Variants in SUSD1 observed in about 807,000 individuals in gnomAD.
SUSD1 encodes sushi domain-containing protein 1.
A neutral mutation model predicts 86.9 loss-of-function variants in SUSD1; 65 were observed. The ratio of observed to expected loss-of-function variants is 0.75; its 90% confidence interval spans 0.61 to 0.92. The LOEUF (loss-of-function observed/expected upper bound fraction) is 0.92, where lower values mean the gene tolerates loss of function less well. Ranked by LOEUF, SUSD1 falls within the 40% of genes least tolerant of loss-of-function variation. SUSD1 has a pLI of 0.00. For missense variants in SUSD1, 850 were observed against 929.7 expected (o/e 0.91, Z 1.11); for synonymous variants, 346 against 350.0 (o/e 0.99, Z 0.13).
intron 16 of SUSD1, 136 bp downstream of exon 16, chr9:112,041,731 G>C: frequency 7.5e-6 from 6 of 802,362 alleles, no homozygotes; most frequent in Non-Finnish European, 1.2e-5. Context: ...TTTCACCGCT[G>C]AGTGTGCTCT....
At chr9:112,079,826 T>C (rs1393615876) in intron 11 of SUSD1, among the ~76,000 whole-genome samples, 1 of 152,168 alleles carries the variant, frequency 6.6e-6, no homozygotes, top group Non-Finnish European at 1.5e-5. Context: ...TGGTCTTAAC[T>C]CCTGGCCTCA....
At chr9:112,130,757 C>T (rs919299946) in intron 5 of SUSD1, among the ~76,000 whole-genome samples, 1 of 151,566 alleles carries the variant, frequency 6.6e-6, no homozygotes, top group African/African-American at 2.4e-5. Flanking sequence ...GGCAAGGTGG[C>T]TTACGCCTGT....
At chr9:112,123,762 C>T (rs1045147980) in intron 6 of SUSD1, among the ~76,000 whole-genome samples, 22 of 152,078 alleles carry the variant, frequency 1.4e-4, no homozygotes, top group African/African-American at 4.6e-4. Flanking sequence ...GAGCTGAGAT[C>T]GTGCCAGTGC....
intron 1 of SUSD1, among the ~76,000 whole-genome samples, chr9:112,172,445 C>G (rs1834085366): frequency 6.6e-6 from 1 of 152,162 alleles, no homozygotes; most frequent in African/African-American, 2.4e-5. Context: ...CTTGCATCTA[C>G]CATCTAAACT....
At position 112,058,746 on chromosome 9, in the gene SUSD1, T is replaced by C. The variant is rs184151800; in HGVS notation, c.1851-60A>G. 2.3e-4 allele frequency: 363 copies of C among 1,577,136 alleles called. 1 individual carries two copies. The African/African-American group carries it at 4.5e-3, about 20-fold the overall frequency. On this transcript the variant is annotated intron_variant, in intron 13 of 16. Coordinates refer to ENST00000374270, the MANE Select transcript of SUSD1 (RefSeq NM_022486.5). Reference sequence around the variant, plus strand: ...TTGCATGGGGAGTTCATTCATTCATTCATATTTATTGAGCACCTGCTATGA... The same window carrying C: ...TTGCATGGGGAGTTCATTCATTCATCCATATTTATTGAGCACCTGCTATGA...
chr9:112,044,097 GCCAAGA>G (rs1245660726), intron 15 of SUSD1, among the ~76,000 whole-genome samples: 2 of 152,132 alleles, frequency 1.3e-5, no homozygotes, highest in Non-Finnish European at 2.9e-5. Flanking sequence ...ACCATGCCCA[GCCAAGA>G]AACTAGATTA....
At chr9:112,058,719 C>A in intron 13 of SUSD1, 33 bp from the exon 14 acceptor site, 3 of 1,608,962 alleles carry the variant, frequency 1.9e-6, no homozygotes, top group Non-Finnish European at 2.5e-6. Flanking sequence ...TCCATCAGAC[C>A]CTTGCATGGG....
chr9:112,133,984 C>CAG (rs1832146623), intron 5 of SUSD1, among the ~76,000 whole-genome samples: 1 of 152,136 alleles, frequency 6.6e-6, no homozygotes, highest in African/African-American at 2.4e-5. Context: ...CAACACTAAT[C>CAG]AGAGAAATGC....
intron 3 of SUSD1, among the ~76,000 whole-genome samples, chr9:112,143,871 A>G (rs1195750846): frequency 6.6e-6 from 1 of 152,178 alleles, no homozygotes; most frequent in Non-Finnish European, 1.5e-5. Flanking sequence ...CTGGGATTTT[A>G]CAAAAGCTGA....
chr9:112,044,169 GGA>G (rs1827860594), intron 15 of SUSD1, among the ~76,000 whole-genome samples: 1 of 152,212 alleles, frequency 6.6e-6, no homozygotes, highest in Non-Finnish European at 1.5e-5. Context: ...AAAAATATTA[GGA>G]GAGTGACTTG....
chr9:112,114,919 G>A (rs1367071081), intron 6 of SUSD1, among the ~76,000 whole-genome samples: 1 of 152,188 alleles, frequency 6.6e-6, no homozygotes, highest in Non-Finnish European at 1.5e-5. Flanking sequence ...CCTCTGTGGA[G>A]ACCAGTACAA....
chr9:112,082,412 T>C (rs1272635872), intron 10 of SUSD1, among the ~76,000 whole-genome samples: 1 of 152,196 alleles, frequency 6.6e-6, no homozygotes, highest in Non-Finnish European at 1.5e-5. Flanking sequence ...ATTGTCCAGA[T>C]GAGCTCAATG....
intron 6 of SUSD1, among the ~76,000 whole-genome samples, chr9:112,116,510 C>T (rs533511763): frequency 1.3e-5 from 2 of 152,324 alleles, no homozygotes; most frequent in East Asian, 3.9e-4. Context: ...GGAGCTGTCC[C>T]AGGGCTCTTT....
intron 5 of SUSD1, among the ~76,000 whole-genome samples, chr9:112,127,274 G>T (rs1204824868): frequency 6.6e-6 from 1 of 152,182 alleles, no homozygotes; most frequent in East Asian, 1.9e-4. Context: ...TCAGGAGACT[G>T]GGGCACAAGA....
At chr9:112,150,319 C>A (rs891250904) in intron 2 of SUSD1, among the ~76,000 whole-genome samples, 1 of 144,674 alleles carries the variant, frequency 6.9e-6, no homozygotes, top group African/African-American at 2.5e-5. Flanking sequence ...TTTATGCATC[C>A]TTTTAGAGCT....
chr9:112,149,385 G>T lies in SUSD1; in HGVS notation c.232C>A (p.Gln78Lys), dbSNP rs1232314369. Residue 78 changes from glutamine (Q) to lysine (K), a missense_variant, in exon 3 of 17, where the codon CAG (glutamine) becomes AAG (lysine). By Grantham distance (53) the Gln-to-Lys change is moderately conservative. Transcript: ENST00000374270. ...CCACAGACAAGAGTGGCTCCAAACT[G>T]GCACTCATTTTTATCTGTTGACACA... ...RTQCVDKNEC[Q>K]FGATLVCGNH... 6.2e-7 allele frequency: 1 copy of T among 1,613,922 alleles called. No homozygotes were observed. The highest frequency in any genetic ancestry group is 8.5e-7 in the Non-Finnish European group (1 of 1,180,018).
At chr9:112,095,246 G>T (rs1005102967) in intron 10 of SUSD1, among the ~76,000 whole-genome samples, 1 of 151,938 alleles carries the variant, frequency 6.6e-6, no homozygotes, top group African/African-American at 2.4e-5. Flanking sequence ...ATATAGAGAA[G>T]GAAAAGTACT....
intron 5 of SUSD1, among the ~76,000 whole-genome samples, chr9:112,140,513 CA>C (rs200242915): frequency 0.043 from 4,570 of 105,354 alleles, 219 homozygotes; most frequent in African/African-American, 0.15. Flanking sequence ...GACTCTGTCT[CA>C]AAAAAAAAAA....
At chr9:112,078,838 G>GTGACAGAGTGA in intron 11 of SUSD1, 114 bp from the exon 12 acceptor site, 3 of 791,616 alleles carry the variant, frequency 3.8e-6, no homozygotes, top group Non-Finnish European at 5.6e-6. Flanking sequence ...TTTGAGATGG[G>GTGACAGAGTGA]GGCCTCACTC....
Sources: gnomAD v4.1 joint callset for allele counts (sites outside exome capture counted in the v4.1 genomes callset) on GRCh38, gnomAD v4.1.1 for gene constraint, MANE v1.5 for transcripts, NCBI Gene and HGNC (gene_info 2026-07-23, HGNC 2026-07-21) for gene names.